Variants in CCBE1 observed in about 807,000 individuals in gnomAD.
The protein encoded by CCBE1 is collagen and calcium binding EGF domains 1.
In CCBE1, 37 loss-of-function variants were observed where a neutral mutation model predicts 50.0. The observed-to-expected ratio is 0.74, with a 90% CI of 0.57 to 0.97. The LOEUF is 0.97. Among genes scored for constraint, CCBE1 ranks in the 50% least tolerant of loss-of-function variants. The probability of loss-of-function intolerance (pLI) is 0.00; values close to 1 mark genes in which losing one functional copy is unlikely to be tolerated. For missense variants in CCBE1, 538 were observed against 523.8 expected, an observed-to-expected ratio of 1.03 and a Z score of -0.26; for synonymous variants, 234 against 203.7, an observed-to-expected ratio of 1.15 and a Z score of -1.27.
At chr18:59,533,153 T>C (rs1045487291) in intron 2 of CCBE1, among the ~76,000 whole-genome samples, 1 of 152,220 alleles carries the variant, frequency 6.6e-6, no homozygotes, top group Non-Finnish European at 1.5e-5. Flanking sequence ...ACAAAATCTT[T>C]AGAAACAAAA....
intron 2 of CCBE1, among the ~76,000 whole-genome samples, chr18:59,671,424 G>A (rs1226360444): frequency 6.6e-6 from 1 of 151,680 alleles, no homozygotes. Context: ...CTTGACCCCA[G>A]GAGGTCGAGG....
intron 9 of CCBE1, 93 bp downstream of exon 9, chr18:59,439,450 G>A: frequency 6.8e-7 from 1 of 1,476,648 alleles, no homozygotes; most frequent in Non-Finnish European, 9.5e-7. Context: ...CTGGGTGACA[G>A]AGCAAGACCA....
intron 2 of CCBE1, among the ~76,000 whole-genome samples, chr18:59,559,946 G>GTT (rs1225042678): frequency 2.0e-5 from 3 of 152,186 alleles, no homozygotes; most frequent in Admixed American, 6.5e-5. Context: ...GCCAGGAACG[G>GTT]TTTGCCTTCA....
chr18:59,661,017 G>GT (rs2054277271), intron 2 of CCBE1, among the ~76,000 whole-genome samples: 1 of 149,930 alleles, frequency 6.7e-6, no homozygotes. Context: ...TTTTGTTTTT[G>GT]TTTTTTAAAA....
intron 5 of CCBE1, among the ~76,000 whole-genome samples, chr18:59,461,926 G>A (rs946627975): frequency 6.6e-6 from 1 of 152,110 alleles, no homozygotes; most frequent in East Asian, 1.9e-4. Flanking sequence ...TAGAGACGGG[G>A]TTTCACCATG....
intron 2 of CCBE1, among the ~76,000 whole-genome samples, chr18:59,527,921 C>T (rs2144344960): frequency 6.6e-6 from 1 of 152,252 alleles, no homozygotes; most frequent in East Asian, 1.9e-4. Flanking sequence ...TTTTTTCCTG[C>T]ATTTCAACCT....
chr18:59,630,356 T>C (rs891524085), intron 2 of CCBE1, among the ~76,000 whole-genome samples: 2 of 152,234 alleles, frequency 1.3e-5, no homozygotes, highest in Non-Finnish European at 2.9e-5. Context: ...TCAAGGTAAT[T>C]AGAAATGTAT....
intron 2 of CCBE1, among the ~76,000 whole-genome samples, chr18:59,599,321 T>C (rs768565604): frequency 1.3e-5 from 2 of 152,212 alleles, no homozygotes; most frequent in Non-Finnish European, 2.9e-5. Context: ...TATTTAGAAC[T>C]AATTTTAAAA....
At chr18:59,605,306 G>T (rs887379814) in intron 2 of CCBE1, among the ~76,000 whole-genome samples, 1 of 152,190 alleles carries the variant, frequency 6.6e-6, no homozygotes, top group African/African-American at 2.4e-5. Flanking sequence ...TCCTCTATTT[G>T]CTGAAAGCCA....
chr18:59,672,952 A>G (rs548090804), intron 2 of CCBE1, among the ~76,000 whole-genome samples: 2 of 152,250 alleles, frequency 1.3e-5, no homozygotes, highest in Admixed American at 6.5e-5. Context: ...AATCACCGCT[A>G]AAGAACTTAC....
At chr18:59,469,293 A>G (rs150633030) in intron 4 of CCBE1, among the ~76,000 whole-genome samples, 180 bp downstream of exon 4, 231 of 152,336 alleles carry the variant, frequency 1.5e-3, no homozygotes, top group African/African-American at 5.5e-3. Flanking sequence ...TCCCGGAAGA[A>G]TTCCTTGGGC....
At chr18:59,692,168 C>A (rs2054741373) in intron 2 of CCBE1, among the ~76,000 whole-genome samples, 1 of 152,200 alleles carries the variant, frequency 6.6e-6, no homozygotes, top group Admixed American at 6.5e-5. Flanking sequence ...CAAAATTCAA[C>A]AAACATCCAT....
chr18:59,451,073 G>A (rs1375774821), intron 6 of CCBE1, among the ~76,000 whole-genome samples: 4 of 151,830 alleles, frequency 2.6e-5, no homozygotes, highest in African/African-American at 9.7e-5. Context: ...ATTTAACACC[G>A]TTGGCATGGT....
chr18:59,523,422 T>C (rs1162156723), intron 2 of CCBE1, among the ~76,000 whole-genome samples: 1 of 151,332 alleles, frequency 6.6e-6, no homozygotes, highest in African/African-American at 2.4e-5. Flanking sequence ...AGACAAGATG[T>C]TTAATCTTTC....
chr18:59,634,464 T>A (rs2053891168), intron 2 of CCBE1, among the ~76,000 whole-genome samples: 1 of 152,290 alleles, frequency 6.6e-6, no homozygotes, highest in African/African-American at 2.4e-5. Context: ...CAAACAAGTG[T>A]CCCGTGGAGG....
chr18:59,614,648 A>G (rs2053615417), intron 2 of CCBE1, among the ~76,000 whole-genome samples: 2 of 152,200 alleles, frequency 1.3e-5, no homozygotes, highest in African/African-American at 2.4e-5. Context: ...TGAGCTCTCA[A>G]TCTTGATCTA....
At chr18:59,572,192 T>C (rs1275116722) in intron 2 of CCBE1, among the ~76,000 whole-genome samples, 1 of 152,150 alleles carries the variant, frequency 6.6e-6, no homozygotes, top group African/African-American at 2.4e-5. Context: ...TGAACACACG[T>C]TTTTTCAAAA....
chr18:59,589,333 G>A (rs967398356), intron 2 of CCBE1, among the ~76,000 whole-genome samples: 10 of 152,114 alleles, frequency 6.6e-5, no homozygotes, highest in South Asian at 2.1e-4. Context: ...TCTTACAAAA[G>A]CAACAGGCCC....
At chr18:59,569,739 A>G (rs1350022386) in intron 2 of CCBE1, among the ~76,000 whole-genome samples, 2 of 152,136 alleles carry the variant, frequency 1.3e-5, no homozygotes, top group African/African-American at 4.8e-5. Flanking sequence ...GGCTCAAGCC[A>G]TCCTCCCACC....
Sources: allele counts gnomAD v4.1 joint callset (sites outside exome capture counted in the v4.1 genomes callset), GRCh38; gene constraint gnomAD v4.1.1; transcripts MANE v1.5; gene names NCBI Gene and HGNC (gene_info 2026-07-23, HGNC 2026-07-21).